MRPL52: variants seen among roughly 807,000 people sequenced by gnomAD.
MRPL52 encodes mitochondrial ribosomal protein L52.
A neutral mutation model predicts 22.1 loss-of-function variants in MRPL52; 19 were observed. The ratio of observed to expected loss-of-function variants is 0.86; its 90% confidence interval spans 0.60 to 1.26. The LOEUF (loss-of-function observed/expected upper bound fraction) is 1.26, where lower values mean the gene tolerates loss of function less well. Ranked by LOEUF, MRPL52 falls within the 50% of genes most tolerant of loss-of-function variation. The probability of loss-of-function intolerance (pLI) is 0.00; values close to 1 mark genes in which losing one functional copy is unlikely to be tolerated. For synonymous variants in MRPL52, 50 were observed against 57.5 expected, an observed-to-expected ratio of 0.87 and a Z score of 0.59; for missense variants, 152 against 148.1, an observed-to-expected ratio of 1.03 and a Z score of -0.14.
intron 3 of MRPL52, chr14:22,831,779 G>C (rs550155378): frequency 8.5e-5 from 13 of 152,318 alleles, no homozygotes; most frequent in African/African-American, 2.9e-4. Flanking sequence ...ACTGTGAATA[G>C]CAAAAGCTAG....
rs1432301613 is a variant in MRPL52 at position 22,829,936 on chromosome 14, C to T, written c.24C>T (p.Leu8=). ...GCATGGCTGCTTTAGGGACTGTTCT[C>T]TTCAGTGAGTGGGTATAGATAGGGA... The part of the protein sequence containing the change: MAALGTV[L]FSVRRLHCSV... Residue 8 remains leucine, a synonymous_variant, in exon 1 of 5, where the codon CTC becomes CTT. Transcript: ENST00000397496. The T allele has an allele frequency of 1.3e-6, 2 of 1,553,446 alleles. No homozygotes were observed. Among genetic ancestry groups the T allele is most frequent in the Admixed American group, 3.5e-5 (2 of 57,430 alleles).
At position 22,829,895 on chromosome 14, in the gene MRPL52, C is replaced by A; in HGVS notation, c.-18C>A. The A allele has an allele frequency of 6.4e-7, 1 of 1,569,192 alleles. No individual in the cohort carries two copies. Among genetic ancestry groups the A allele is most frequent in the East Asian group, 2.4e-5 (1 of 42,522 alleles). Reference sequence around the variant, plus strand: ...AGGCCACGCCTACTTCCGGCTACCCCGGCTACTCCTGCTCAGCATGGCTGC... The same window carrying A: ...AGGCCACGCCTACTTCCGGCTACCCAGGCTACTCCTGCTCAGCATGGCTGC... On this transcript the variant is annotated 5_prime_UTR_variant, in exon 1 of 5. Transcript: ENST00000397496.
intron 3 of MRPL52, among the ~76,000 whole-genome samples, chr14:22,832,315 C>T (rs2039638555): frequency 6.6e-6 from 1 of 151,940 alleles, no homozygotes; most frequent in South Asian, 2.1e-4. Flanking sequence ...ACAGTGATCA[C>T]ATTGCTTAAG....
chr14:22,830,563 C>G (rs1273484252), intron 3 of MRPL52: 2 of 448,112 alleles, frequency 4.5e-6, no homozygotes, highest in African/African-American at 2.0e-5. Context: ...TTTTTTTAAC[C>G]AAGAACCACT....
chr14:22,831,622 C>T (rs527252491), intron 3 of MRPL52: 1 of 152,242 alleles, frequency 6.6e-6, no homozygotes, highest in Non-Finnish European at 1.5e-5. Flanking sequence ...CACCTCTTCT[C>T]TGTCTTGCCT....
At chr14:22,831,249 AC>A (rs2039612362) in intron 3 of MRPL52, 2 of 484,156 alleles carry the variant, frequency 4.1e-6, no homozygotes, top group Non-Finnish European at 7.3e-6. Context: ...AGTAGGTGGG[AC>A]CACAGGCACA....
intron 3 of MRPL52, chr14:22,831,096 C>CA: frequency 2.8e-6 from 1 of 360,990 alleles, no homozygotes; most frequent in Non-Finnish European, 5.1e-6. Flanking sequence ...TCTGGAATTA[C>CA]ATATGACTGC....
chr14:22,831,279 AT>A (rs200349955), intron 3 of MRPL52: 13,064 of 348,558 alleles, frequency 0.037, no homozygotes, highest in South Asian at 0.054. Flanking sequence ...TTCCTGGCTA[AT>A]TTTTTTTTTT....
chr14:22,833,028 A>G (rs1374654227), intron 3 of MRPL52, among the ~76,000 whole-genome samples: 1 of 151,728 alleles, frequency 6.6e-6, no homozygotes, highest in African/African-American at 2.4e-5. Context: ...AAATACAAAA[A>G]TTAGCCAGGG....
At chr14:22,833,102 C>T (rs563114724) in intron 3 of MRPL52, among the ~76,000 whole-genome samples, 55 of 152,026 alleles carry the variant, frequency 3.6e-4, no homozygotes, top group African/African-American at 9.6e-4. Flanking sequence ...CTCTTGAACC[C>T]GGGAGGCAGA....
intron 4 of MRPL52, 49 bp from the exon 5 acceptor site, chr14:22,834,123 A>G: frequency 1.3e-6 from 2 of 1,597,416 alleles, no homozygotes; most frequent in East Asian, 4.5e-5. Flanking sequence ...TATATAGTAT[A>G]GCGCTGAAGT....
chr14:22,831,069 T>C (rs1001864427), intron 3 of MRPL52: 12 of 1,112,550 alleles, frequency 1.1e-5, no homozygotes, highest in Non-Finnish European at 1.6e-5. Context: ...TGTAGTAGTA[T>C]GGACTATTGG....
intron 3 of MRPL52, among the ~76,000 whole-genome samples, chr14:22,833,071 G>T (rs543439299): frequency 2.1e-4 from 32 of 152,124 alleles, no homozygotes; most frequent in African/African-American, 7.5e-4. Context: ...CCAGCTACTC[G>T]GGAGTCTGAG....
chr14:22,833,687 CTA>C (rs2039676007), intron 4 of MRPL52, among the ~76,000 whole-genome samples: 1 of 152,128 alleles, frequency 6.6e-6, no homozygotes, highest in African/African-American at 2.4e-5. Context: ...TGCAATGGCG[CTA>C]TCTCAGCTCA....
intron 3 of MRPL52, chr14:22,830,926 G>A (rs1322202291): frequency 1.7e-5 from 23 of 1,390,700 alleles, no homozygotes; most frequent in Non-Finnish European, 2.3e-5. Context: ...TGACAACACA[G>A]AGATCTGAAT....
In MRPL52 at chr14:22,833,457, GA is replaced by G. The variant is rs1432646245; in HGVS notation, c.198del (p.Ala67LeufsTer49). The G allele has an allele frequency of 6.2e-7, 1 of 1,613,924 alleles. No homozygotes were observed. The highest frequency in any genetic ancestry group is 1.1e-5 in the South Asian group (1 of 91,078). On this transcript the variant is annotated frameshift_variant, in exon 4 of 5. Coordinates refer to ENST00000397496, the MANE Select transcript of MRPL52 (RefSeq NM_180982.3). LOFTEE classifies it high-confidence loss of function. Reference protein sequence around the residue: ...PAPPMKGQLRRKAERETFARR... With the variant: ...PAPPMKGQLRXKAERETFARR... Reference sequence around the variant, plus strand: ...CCCCCAATGAAAGGCCAGCTTCGAAGAAAAGCTGAAAGGGAGACGTTTGCAG... The same window carrying G: ...CCCCCAATGAAAGGCCAGCTTCGAAGAAAGCTGAAAGGGAGACGTTTGCAG...
At position 22,830,205 on chromosome 14, in the gene MRPL52, C is replaced by T; in HGVS notation, c.105C>T (p.Asn35=). 6.2e-7 allele frequency: 1 copy of T among 1,614,224 alleles called. No individual in the cohort carries two copies. Among genetic ancestry groups the T allele is most frequent in the Non-Finnish European group, 8.5e-7 (1 of 1,180,036 alleles). Residue 35 remains asparagine, a synonymous_variant, in exon 3 of 5, where the codon AAC becomes AAT. Coordinates refer to ENST00000397496, the MANE Select transcript of MRPL52 (RefSeq NM_180982.3). ...CACACAGGCAGGGACTGGCTGCCAA[C>T]CCCTCCGGCTACGGGCCCCTTACCG... The part of the protein sequence containing the change: ...QWRLQQGLAA[N]PSGYGPLTEL...
chr14:22,833,094 C>G (rs899680876), intron 3 of MRPL52, among the ~76,000 whole-genome samples: 1 of 152,112 alleles, frequency 6.6e-6, no homozygotes, highest in Non-Finnish European at 1.5e-5. Context: ...AGGATAATCT[C>G]TTGAACCCGG....
In MRPL52 at chr14:22,832,962, G is replaced by A. The variant is rs181677872; in HGVS notation, c.155-456G>A. Among the ~76,000 whole-genome samples the A allele has an allele frequency of 1.5e-3, 228 of 152,132 alleles. 1 individual carries two copies. The highest frequency in any genetic ancestry group is 5.3e-3 in the African/African-American group (219 of 41,530). On this transcript the variant is annotated intron_variant, in intron 3 of 4. Coordinates refer to ENST00000397496, the MANE Select transcript of MRPL52 (RefSeq NM_180982.3). ...TGGGAGGCCGAGGCAGGTGGATCACGAGGTCAAGAGATCGAGACTATCCTG... is the reference window on the plus strand; with the variant it reads ...TGGGAGGCCGAGGCAGGTGGATCACAAGGTCAAGAGATCGAGACTATCCTG...
Sources: gnomAD v4.1 joint callset for allele counts (sites outside exome capture counted in the v4.1 genomes callset) on GRCh38, gnomAD v4.1.1 for gene constraint, MANE v1.5 for transcripts, NCBI Gene and HGNC (gene_info 2026-07-23, HGNC 2026-07-21) for gene names.